CEP83: variants seen among roughly 807,000 people sequenced by gnomAD.
CEP83 encodes centrosomal protein of 83 kDa.
CEP83 carries 70 observed loss-of-function variants against 101.9 expected under a neutral mutation model. That is an observed-to-expected ratio of 0.69 (90% CI 0.57 to 0.84). CEP83 has a LOEUF of 0.84. Among genes scored for constraint, CEP83 ranks in the 40% least tolerant of loss-of-function variants. The pLI is 0.00. For missense variants in CEP83, 715 were observed against 787.2 expected (o/e 0.91, Z 1.10); for synonymous variants, 264 against 267.9 (o/e 0.99, Z 0.14).
chr12:94,282,848 CTGTT>C, the CEP83 span: 1 of 155,758 alleles, frequency 6.4e-6, no homozygotes, highest in Admixed American at 6.2e-5. Context: ...TCTAAATTTC[CTGTT>C]TGTTTGCAAT....
intron 2 of CEP83, among the ~76,000 whole-genome samples, chr12:94,428,489 TTTTAC>T (rs1234140275): frequency 3.9e-5 from 6 of 152,230 alleles, no homozygotes; most frequent in Non-Finnish European, 1.5e-5. Context: ...CCTGATTTAA[TTTTAC>T]TTCTATGAGA....
At chr12:94,401,173 A>G (rs1281716546) in intron 5 of CEP83, 192 bp from the exon 6 acceptor site, 4 of 273,592 alleles carry the variant, frequency 1.5e-5, no homozygotes, top group Admixed American at 5.2e-5. Flanking sequence ...GAAGTAGTAC[A>G]TTCCTGAAAA....
chr12:94,447,390 A>C (rs1007389889), intron 1 of CEP83, among the ~76,000 whole-genome samples: 2 of 152,194 alleles, frequency 1.3e-5, no homozygotes, highest in Non-Finnish European at 2.9e-5. Flanking sequence ...CTGTAGTTCC[A>C]GCTACTTGAG....
intron 11 of CEP83, chr12:94,335,885 G>T: frequency 2.0e-6 from 1 of 489,642 alleles, no homozygotes; most frequent in East Asian, 3.9e-5. Flanking sequence ...GGCATAGAGA[G>T]GATAAGAAAT....
In CEP83 at chr12:94,459,770, C is replaced by A. The variant is rs1296457245; in HGVS notation, c.-368G>T. On this transcript the variant is annotated 5_prime_UTR_variant, in exon 1 of 17. Coordinates refer to ENST00000397809, the MANE Select transcript of CEP83 (RefSeq NM_016122.3). ...CCGAACGGACCCCTCGGGCTCCCGT[C>A]CCTAGGGAAATGTGAAGTATCCCGG... 6.5e-6 allele frequency: 1 copy of A among 153,026 alleles called. No homozygotes were observed. Among genetic ancestry groups the A allele is most frequent in the Non-Finnish European group, 1.5e-5 (1 of 68,392 alleles). The allele number at this position is 153,026 out of a possible 1,614,324, so 9.5% of individuals were successfully genotyped here.
intron 11 of CEP83, among the ~76,000 whole-genome samples, chr12:94,343,087 G>A (rs938377687): frequency 7.9e-5 from 12 of 151,318 alleles, no homozygotes; most frequent in African/African-American, 2.7e-4. Flanking sequence ...GTGTATGTAT[G>A]TCTGTGTGTG....
At chr12:94,297,409 C>T in the CEP83 span, 1 of 1,612,188 alleles carries the variant, frequency 6.2e-7, no homozygotes, top group South Asian at 1.1e-5. Context: ...TCTGACAAAG[C>T]TGCTGTCGAC....
At chr12:94,302,288 C>T (rs964515726), downstream of CEP83, among the ~76,000 whole-genome samples, 18 of 152,354 alleles carry the variant, frequency 1.2e-4, no homozygotes, top group Admixed American at 3.9e-4. Context: ...ACACCATGAA[C>T]TTGTTCTCAC....
At chr12:94,424,944 G>T (rs1168845597) in intron 2 of CEP83, 2 of 1,589,442 alleles carry the variant, frequency 1.3e-6, no homozygotes, top group Non-Finnish European at 1.7e-6. Flanking sequence ...GAAATCCCGG[G>T]CCTGGAAGTC....
chr12:94,443,744 C>G (rs1424660130), intron 1 of CEP83, among the ~76,000 whole-genome samples: 2 of 152,106 alleles, frequency 1.3e-5, no homozygotes, highest in Non-Finnish European at 2.9e-5. Flanking sequence ...ACCTTGGCCT[C>G]GCAAAGTGCT....
intron 11 of CEP83, among the ~76,000 whole-genome samples, chr12:94,361,770 C>T (rs781259388): frequency 4.0e-4 from 61 of 151,798 alleles, no homozygotes; most frequent in Non-Finnish European, 6.8e-4. Flanking sequence ...GGCATGGTCT[C>T]GGCTCACCAC....
At chr12:94,279,439 A>C in the CEP83 span, 1 of 1,583,818 alleles carries the variant, frequency 6.3e-7, no homozygotes, top group African/African-American at 1.4e-5. Context: ...GCAATTATCT[A>C]ATAGACTTGG....
chr12:94,400,931 T>G lies in CEP83; in HGVS notation c.468A>C (p.Thr156=). 6.6e-7 allele frequency: 1 copy of G among 1,513,436 alleles called. No individual in the cohort carries two copies. The allele number at this position is 1,513,436 out of a possible 1,614,324, so 93.8% of individuals were successfully genotyped here. A position where few individuals can be genotyped will look rare whatever the true frequency, so the allele number is the denominator to read the frequency against. ...AVYNKLRYEH[T]FLKSEFEHQK... is the part of the protein sequence containing the mutation. ...GGTGTTCAAATTCTGACTTGAGAAA[T>G]GTATGTTCATAGCGAAGCTTATTAT... The change falls in exon 6 of 17, where the codon ACA becomes ACC. Residue 156 remains threonine (T), a synonymous_variant. Coordinates refer to ENST00000397809, the MANE Select transcript of CEP83 (RefSeq NM_016122.3).
chr12:94,455,677 G>A (rs2067612916), intron 1 of CEP83, among the ~76,000 whole-genome samples: 1 of 152,182 alleles, frequency 6.6e-6, no homozygotes, highest in Non-Finnish European at 1.5e-5. Flanking sequence ...AAAGCAATCT[G>A]AAGTCACAAT....
intron 1 of CEP83, among the ~76,000 whole-genome samples, chr12:94,455,770 C>T (rs529426771): frequency 2.0e-5 from 3 of 152,272 alleles, no homozygotes; most frequent in East Asian, 3.9e-4. Flanking sequence ...GTAGGCCGGG[C>T]GCATTGGCTC....
chr12:94,401,696 T>G (rs1019953696), intron 5 of CEP83, among the ~76,000 whole-genome samples: 2 of 152,220 alleles, frequency 1.3e-5, no homozygotes, highest in African/African-American at 4.8e-5. Flanking sequence ...AGTTCAAAGA[T>G]TTCTAAGCCA....
chr12:94,439,349 G>A (rs901483296), intron 1 of CEP83, among the ~76,000 whole-genome samples: 4 of 152,008 alleles, frequency 2.6e-5, no homozygotes, highest in Non-Finnish European at 5.9e-5. Context: ...GATATCAAAA[G>A]TGATACCACA....
chr12:94,430,793 A>C lies in CEP83; in HGVS notation c.-102+4482T>G, dbSNP rs139448126. ...AGAGATTCCCAAATACAGTGCAGAA[A>C]GGTCTTCCACAAAGCACGTTATAGT... On this transcript the variant is annotated intron_variant, in intron 2 of 16. Coordinates refer to ENST00000397809, the MANE Select transcript of CEP83 (RefSeq NM_016122.3). Among the ~76,000 whole-genome samples the C allele has an allele frequency of 7.9e-4, 120 of 152,358 alleles. 1 individual carries two copies. In the East Asian group the frequency reaches 0.022, roughly 28 times the overall value.
chr12:94,337,310 T>C (rs1049774629), intron 11 of CEP83, among the ~76,000 whole-genome samples: 5 of 152,190 alleles, frequency 3.3e-5, no homozygotes, highest in Admixed American at 1.3e-4. Flanking sequence ...AAGAGCACCA[T>C]TGTGGTAGAC....
Sources: gnomAD v4.1 joint callset for allele counts (sites outside exome capture counted in the v4.1 genomes callset) on GRCh38, gnomAD v4.1.1 for gene constraint, MANE v1.5 for transcripts, NCBI Gene and HGNC (gene_info 2026-07-23, HGNC 2026-07-21) for gene names.